Variants in ADGRD1 observed in about 807,000 individuals in gnomAD.
ADGRD1 encodes G-protein coupled receptor 133.
A neutral mutation model predicts 113.4 loss-of-function variants in ADGRD1; 77 were observed. The ratio of observed to expected loss-of-function variants is 0.68; its 90% CI spans 0.57 to 0.82. The LOEUF (loss-of-function observed/expected upper bound fraction) is 0.82, where lower values mean the gene tolerates loss of function less well. ADGRD1 is among the 40% of genes least tolerant of loss of function. The pLI, the probability that ADGRD1 is intolerant of heterozygous loss-of-function variation, is 0.00. For synonymous variants in ADGRD1, 474 were observed against 475.0 expected, an observed-to-expected ratio of 1.00 and a Z score of 0.03; for missense variants, 1,036 against 1,139.1, an observed-to-expected ratio of 0.91 and a Z score of 1.30.
Position 131,136,136 on chromosome 12 carries a change from CAT to C in ADGRD1, c.2368_2369del (p.Met790ValfsTer164), listed in dbSNP as rs1364765406. 1.2e-6 allele frequency: 2 copies of C among 1,614,060 alleles called. No individual in the cohort carries two copies. The highest frequency in any genetic ancestry group is 1.3e-5 in the African/African-American group (1 of 74,942). On this transcript the variant is annotated frameshift_variant, in exon 22 of 25. Coordinates refer to ENST00000261654, the MANE Select transcript of ADGRD1 (RefSeq NM_198827.5). LOFTEE classifies it high-confidence loss of function. ...VNGCAVVFQY[M>X]FATLNSLQGL... Reference sequence around the variant, plus strand: ...ACGGTTGTGCTGTGGTTTTCCAGTACATGTTTGCCACGCTCAACTCCCTGCAG... The same window carrying C: ...ACGGTTGTGCTGTGGTTTTCCAGTACGTTTGCCACGCTCAACTCCCTGCAG...
Position 131,109,599 on chromosome 12 carries a change from T to G in ADGRD1, c.2041+722T>G, listed in dbSNP as rs184751529. 3.1e-3 allele frequency among the ~76,000 whole-genome samples: 468 copies of G among 152,342 alleles called. 2 individuals are homozygous for G. The highest frequency in any genetic ancestry group is 5.5e-3 in the Non-Finnish European group (373 of 68,022). ...TATTTCATTGTGGAAAGACAACATA[T>G]TTTGTATGACTTCAGTCCTTTTAAC... On this transcript the variant is annotated intron_variant, in intron 18 of 24. Coordinates refer to ENST00000261654, the MANE Select transcript of ADGRD1 (RefSeq NM_198827.5).
intron 14 of ADGRD1, among the ~76,000 whole-genome samples, chr12:131,077,251 G>T (rs1042800282): frequency 6.6e-6 from 1 of 152,260 alleles, no homozygotes; most frequent in East Asian, 1.9e-4. Flanking sequence ...GGGGTTGGGG[G>T]AGTGGCTTCT....
chr12:130,984,889 C>T lies in ADGRD1; in HGVS notation c.491-2206C>T, dbSNP rs1404428369. Among the ~76,000 whole-genome samples the T allele has an allele frequency of 6.9e-6, 1 of 144,522 alleles. No individual in the cohort carries two copies. The highest frequency in any genetic ancestry group is 1.5e-5 in the Non-Finnish European group (1 of 66,676). The allele number at this position is 144,522 out of a possible 152,430, so 94.8% of individuals were successfully genotyped here. Reference sequence around the variant, plus strand: ...CCTTTCCTTCTTTCCTTCCTTCTTTCTTCTCTTCTCTCTCTCTCTCACTCT... The same window carrying T: ...CCTTTCCTTCTTTCCTTCCTTCTTTTTTCTCTTCTCTCTCTCTCTCACTCT... On this transcript the variant is annotated intron_variant, in intron 5 of 24. Coordinates refer to ENST00000261654, the MANE Select transcript of ADGRD1 (RefSeq NM_198827.5). The surrounding 1 kb of genome is among the most constrained non-coding windows in gnomAD (Gnocchi z 4.1).
intron 2 of ADGRD1, among the ~76,000 whole-genome samples, chr12:130,958,451 C>T (rs970094865): frequency 2.0e-5 from 3 of 152,116 alleles, no homozygotes; most frequent in Admixed American, 1.3e-4. Context: ...CCGCCTGCCT[C>T]GGCCTCCCAA....
intron 5 of ADGRD1, among the ~76,000 whole-genome samples, chr12:130,985,921 C>T (rs1374637446): frequency 1.6e-5 from 2 of 122,288 alleles, no homozygotes; most frequent in Non-Finnish European, 3.7e-5. Context: ...ACAAATGGTT[C>T]TGTTTGTTCA....
At chr12:131,012,257 T>C (rs974981727) in intron 12 of ADGRD1, among the ~76,000 whole-genome samples, 2 of 149,838 alleles carry the variant, frequency 1.3e-5, no homozygotes, top group Non-Finnish European at 3.0e-5. Flanking sequence ...CACGTGGACC[T>C]AGGGTGATGC....
At chr12:131,067,154 G>C (rs527864126) in intron 13 of ADGRD1, among the ~76,000 whole-genome samples, 11 of 152,286 alleles carry the variant, frequency 7.2e-5, no homozygotes, top group African/African-American at 2.4e-4. Context: ...TAACTGACAA[G>C]GGCATGACTC....
Position 131,000,367 on chromosome 12 carries a change from T to C in ADGRD1, c.967-16T>C, listed in dbSNP as rs1593330098. On this transcript the variant is annotated splice_polypyrimidine_tract_variant and intron_variant, in intron 8 of 24. Transcript: ENST00000261654. ...TAAGGACAGGTGCTGAGCAGTGTCA[T>C]TTTGTCCACCTTTAGACCTTCTTAA... 2 of 1,610,370 alleles carry C rather than the reference T, an allele frequency of 1.2e-6. No individual in the cohort carries two copies. Among genetic ancestry groups the C allele is most frequent in the East Asian group, 4.5e-5 (2 of 44,848 alleles).
At chr12:131,116,493 CG>C (rs1950466688) in intron 18 of ADGRD1, among the ~76,000 whole-genome samples, 1 of 152,246 alleles carries the variant, frequency 6.6e-6, no homozygotes, top group South Asian at 2.1e-4. Flanking sequence ...AGGGCAGGCA[CG>C]GCGTGTACTC....
intron 18 of ADGRD1, among the ~76,000 whole-genome samples, chr12:131,115,798 T>C (rs2137387302): frequency 6.6e-6 from 1 of 152,258 alleles, no homozygotes; most frequent in African/African-American, 2.4e-5. Flanking sequence ...AGCTGGTTGA[T>C]GATACAGATT....
intron 15 of ADGRD1, among the ~76,000 whole-genome samples, chr12:131,088,286 G>T (rs1886639535): frequency 6.6e-6 from 1 of 152,204 alleles, no homozygotes; most frequent in African/African-American, 2.4e-5. Context: ...GGCTGTTTAG[G>T]TAGCACCCGG....
chr12:130,975,308 T>C (rs183044154), intron 4 of ADGRD1, among the ~76,000 whole-genome samples: 1 of 152,320 alleles, frequency 6.6e-6, no homozygotes, highest in East Asian at 1.9e-4. Context: ...CGATGGCCTG[T>C]CACTTCCGTC....
chr12:131,014,083 A>G, intron 12 of ADGRD1, 116 bp from the exon 13 acceptor site: 3 of 1,030,308 alleles, frequency 2.9e-6, no homozygotes, highest in South Asian at 1.6e-5. Flanking sequence ...AGCTTCATCC[A>G]AAGAAGATTT....
intron 14 of ADGRD1, among the ~76,000 whole-genome samples, chr12:131,079,919 T>C (rs1230332813): frequency 6.6e-6 from 1 of 152,148 alleles, no homozygotes; most frequent in African/African-American, 2.4e-5. Flanking sequence ...TCCAAAGATA[T>C]AACTTTTGGC....
intron 10 of ADGRD1, 152 bp from the exon 11 acceptor site, chr12:131,004,034 T>TC (rs1180962702): frequency 6.8e-6 from 4 of 588,064 alleles, no homozygotes; most frequent in Non-Finnish European, 1.2e-5. Context: ...TTTTTTTTTT[T>TC]TTTTTTGAGG....
At chr12:131,102,731 A>G (rs549941119) in intron 15 of ADGRD1, among the ~76,000 whole-genome samples, 60 of 152,324 alleles carry the variant, frequency 3.9e-4, no homozygotes, top group Admixed American at 9.8e-4. Flanking sequence ...GCCCACGGGC[A>G]TGGCTGTGAT....
chr12:131,004,416 T>A, intron 11 of ADGRD1, 120 bp downstream of exon 11: 1 of 778,670 alleles, frequency 1.3e-6, no homozygotes, highest in South Asian at 1.6e-5. Flanking sequence ...CCGGGCCGCC[T>A]GCGGTGCTCC....
At position 131,108,750 on chromosome 12, in the gene ADGRD1, C is replaced by G; in HGVS notation, c.1914C>G (p.Leu638=). 2 of 1,614,146 alleles carry G rather than the reference C, an allele frequency of 1.2e-6. No homozygotes were observed. Among genetic ancestry groups the G allele is most frequent in the Non-Finnish European group, 1.7e-6 (2 of 1,180,014 alleles). ...GTTPCQVMAV[L]LHYFFLSAFA... The stretch of plus-strand genomic sequence containing the variant: ...CCCCCTGCCAAGTGATGGCCGTGCT[C>G]CTACACTACTTCTTCCTGAGTGCCT... The change falls in exon 18 of 25, where the codon CTC becomes CTG. Residue 638 remains leucine (L), a synonymous_variant. Transcript: ENST00000261654.
At chr12:131,013,905 C>A (rs1330461435) in intron 12 of ADGRD1, among the ~76,000 whole-genome samples, 4 of 152,182 alleles carry the variant, frequency 2.6e-5, no homozygotes, top group African/African-American at 7.2e-5. Context: ...TCTTTGAGGT[C>A]GAGGGCTCTG....
Sources: gnomAD v4.1 joint callset for allele counts (sites outside exome capture counted in the v4.1 genomes callset) on GRCh38, gnomAD v4.1.1 for gene constraint, Gnocchi (gnomAD v3.1) non-coding constraint, MANE v1.5 for transcripts, NCBI Gene and HGNC (gene_info 2026-07-23, HGNC 2026-07-21) for gene names.